The following KDM1A variants were observed in gnomAD, a reference collection of about 807,000 sequenced individuals.
The protein encoded by KDM1A is lysine-specific histone demethylase 1A.
In KDM1A, 49 loss-of-function variants were observed where a neutral mutation model predicts 109.4. That is an observed-to-expected ratio of 0.45 (90% CI 0.36 to 0.57). The LOEUF (loss-of-function observed/expected upper bound fraction) is 0.57. KDM1A is among the 20% of genes least tolerant of loss of function. The probability of loss-of-function intolerance (pLI) is 0.00; values close to 1 mark genes in which losing one functional copy is unlikely to be tolerated. For missense variants in KDM1A, 668 were observed against 1,116.6 expected (o/e 0.60, Z 5.73); for synonymous variants, 380 against 415.4 (o/e 0.91, Z 1.04).
intron 12 of KDM1A, among the ~76,000 whole-genome samples, chr1:23,070,038 A>G (rs185113254): frequency 2.6e-5 from 4 of 152,366 alleles, no homozygotes; most frequent in Non-Finnish European, 5.9e-5. Flanking sequence ...GGATTGTGGT[A>G]AGGATGAAAT....
At chr1:23,020,798 C>CT (rs2124322203) in intron 1 of KDM1A, among the ~76,000 whole-genome samples, 1 of 152,202 alleles carries the variant, frequency 6.6e-6, no homozygotes, top group South Asian at 2.1e-4. Flanking sequence ...AGTCACAAAG[C>CT]TAAATAAGTG....
chr1:23,023,466 C>G lies in KDM1A; in HGVS notation c.351+3519C>G, dbSNP rs146950364. 2.7e-3 allele frequency among the ~76,000 whole-genome samples: 408 copies of G among 152,256 alleles called. 4 individuals carry two copies. The highest frequency in any genetic ancestry group is 9.1e-3 in the African/African-American group (378 of 41,540). ...CAGTTTATTGAAGACTATTCTTTCTCTCAGCGAATAGTTGGCACCCTCATT... is the reference window on the plus strand; with the variant it reads ...CAGTTTATTGAAGACTATTCTTTCTGTCAGCGAATAGTTGGCACCCTCATT... On this transcript the variant is annotated intron_variant, in intron 1 of 20. Transcript: ENST00000400181.
chr1:23,080,671 T>G (rs1364379091), intron 18 of KDM1A, among the ~76,000 whole-genome samples: 1 of 152,186 alleles, frequency 6.6e-6, no homozygotes, highest in Non-Finnish European at 1.5e-5. Flanking sequence ...TCAGAGCCTC[T>G]GCGTGTACTG....
Position 23,083,618 on chromosome 1 carries a change from A to C in KDM1A, c.*254A>C. On this transcript the variant is annotated 3_prime_UTR_variant, in exon 21 of 21. Coordinates refer to ENST00000400181, the MANE Select transcript of KDM1A (RefSeq NM_001009999.3). ...CAAGCAAGTGCTGTGAAATAACATC[A>C]TCTTAGTCCCTTGGTGTGTGGGGTT... The C allele has an allele frequency of 2.9e-6, 1 of 342,700 alleles. No individual in the cohort carries two copies. The highest frequency in any genetic ancestry group is 5.3e-6 in the Non-Finnish European group (1 of 189,748). The allele number at this position is 342,700 out of a possible 1,614,324, so 21.2% of individuals were successfully genotyped here. A position where few individuals can be genotyped will look rare whatever the true frequency, so the allele number is the denominator to read the frequency against.
At chr1:23,044,612 A>G (rs1398457966) in intron 3 of KDM1A, 126 bp downstream of exon 3, 2 of 721,882 alleles carry the variant, frequency 2.8e-6, no homozygotes, top group African/African-American at 1.8e-5. Context: ...TTTAACCCAC[A>G]GGACATAATA....
Position 23,081,555 on chromosome 1 carries a change from TAGC to T in KDM1A, c.2283_2285del (p.Ser762del). 1 of 1,614,168 alleles carries T rather than the reference TAGC, an allele frequency of 6.2e-7. No homozygotes were observed. Among genetic ancestry groups the T allele is most frequent in the Non-Finnish European group, 8.5e-7 (1 of 1,180,002 alleles). On this transcript the variant is annotated inframe_deletion, in exon 19 of 21. Coordinates refer to ENST00000400181, the MANE Select transcript of KDM1A (RefSeq NM_001009999.3). ...TGGCCATTCTCAAAGGGATTTTTGG[TAGC>T]AGTGCAGTACCTCAGGTAAGTAGGT... is the stretch of plus-strand genomic sequence containing the variant.
chr1:23,063,219 T>TG (rs796579346), intron 9 of KDM1A, among the ~76,000 whole-genome samples: 2 of 27,388 alleles, frequency 7.3e-5, no homozygotes, highest in Admixed American at 4.1e-4. Context: ...TGGTGTGGGG[T>TG]GGGTGTGTGT....
intron 2 of KDM1A, among the ~76,000 whole-genome samples, chr1:23,040,615 GTC>G (rs1160527250): frequency 3.4e-5 from 5 of 148,074 alleles, no homozygotes; most frequent in Non-Finnish European, 7.4e-5. Flanking sequence ...TCGAGAACTC[GTC>G]TCTACAAAAA....
chr1:23,025,865 A>C (rs1641781983), intron 1 of KDM1A, among the ~76,000 whole-genome samples: 1 of 152,012 alleles, frequency 6.6e-6, no homozygotes, highest in Non-Finnish European at 1.5e-5. Flanking sequence ...GCCAAGGTGG[A>C]CAGATCGATT....
At chr1:23,044,063 T>G (rs753226097) in intron 2 of KDM1A, among the ~76,000 whole-genome samples, 1 of 152,130 alleles carries the variant, frequency 6.6e-6, no homozygotes, top group Non-Finnish European at 1.5e-5. Context: ...GATTCTAGAG[T>G]CTATGTCAGC....
At chr1:23,082,430 ATTTTT>A in intron 20 of KDM1A, 64 bp downstream of exon 20, 1 of 1,083,136 alleles carries the variant, frequency 9.2e-7, no homozygotes, top group Non-Finnish European at 1.2e-6. Context: ...GATGTCCCTG[ATTTTT>A]TTTTTTTTTT....
chr1:23,074,874 T>A, intron 15 of KDM1A, among the ~76,000 whole-genome samples: 1 of 152,268 alleles, frequency 6.6e-6, no homozygotes, highest in East Asian at 1.9e-4. Flanking sequence ...GGTTGTCTTT[T>A]CTGTTAATTT....
At chr1:23,029,505 T>A (rs1334537558) in intron 1 of KDM1A, among the ~76,000 whole-genome samples, 1 of 152,200 alleles carries the variant, frequency 6.6e-6, no homozygotes, top group African/African-American at 2.4e-5. Flanking sequence ...TCCTTTACCC[T>A]CAATGACACA....
chr1:23,082,575 A>T, intron 20 of KDM1A: 1 of 471,778 alleles, frequency 2.1e-6, no homozygotes, highest in South Asian at 5.2e-5. Context: ...AGAATGGAGG[A>T]GTCCAGAGTA....
At chr1:23,071,050 A>G (rs1643304761) in intron 12 of KDM1A, among the ~76,000 whole-genome samples, 175 bp from the exon 13 acceptor site, 1 of 152,106 alleles carries the variant, frequency 6.6e-6, no homozygotes, top group Non-Finnish European at 1.5e-5. Context: ...TTTCTTTCCT[A>G]TTTCCCAAAT....
At chr1:23,048,633 C>T (rs577615214) in intron 3 of KDM1A, among the ~76,000 whole-genome samples, 14 of 152,124 alleles carry the variant, frequency 9.2e-5, no homozygotes, top group Admixed American at 3.9e-4. Context: ...TGGCATTAGG[C>T]GTTTTTGCTT....
chr1:23,039,025 T>A (rs1642230797), intron 2 of KDM1A, among the ~76,000 whole-genome samples: 1 of 152,234 alleles, frequency 6.6e-6, no homozygotes, highest in African/African-American at 2.4e-5. Flanking sequence ...AAACTGTGAC[T>A]TTCCTTATGT....
intron 12 of KDM1A, among the ~76,000 whole-genome samples, chr1:23,070,225 A>G (rs1319790266): frequency 1.3e-5 from 2 of 152,198 alleles, no homozygotes; most frequent in Non-Finnish European, 2.9e-5. Flanking sequence ...TAATCCCAAC[A>G]CTTTGAGAGG....
chr1:23,056,994 G>A (rs527620711), intron 7 of KDM1A, among the ~76,000 whole-genome samples: 1 of 152,136 alleles, frequency 6.6e-6, no homozygotes, highest in Non-Finnish European at 1.5e-5. Context: ...GCATGGGGGT[G>A]CACTGGAGAA....
Sources: gnomAD v4.1 joint callset for allele counts (sites outside exome capture counted in the v4.1 genomes callset) on GRCh38, gnomAD v4.1.1 for gene constraint, MANE v1.5 for transcripts, NCBI Gene and HGNC (gene_info 2026-07-23, HGNC 2026-07-21) for gene names.